Variants in RAB38 observed in about 807,000 individuals in gnomAD.
RAB38 encodes ras-related protein Rab-38.
A neutral mutation model predicts 18.4 loss-of-function variants in RAB38; 15 were observed. That is an observed-to-expected ratio of 0.82 (90% CI 0.55 to 1.26). The LOEUF is 1.26. Among genes scored for constraint, RAB38 ranks in the 50% most tolerant of loss-of-function variants. RAB38 has a pLI of 0.00. For synonymous variants in RAB38, 101 were observed against 104.4 expected (o/e 0.97, Z 0.20); for missense variants, 294 against 267.4 (o/e 1.10, Z -0.69).
the RAB38 span, among the ~76,000 whole-genome samples, chr11:88,031,990 C>T: frequency 6.6e-6 from 1 of 150,710 alleles, no homozygotes; most frequent in Non-Finnish European, 1.5e-5. Flanking sequence ...TACTACAAGG[C>T]TACAGTAACC....
At chr11:87,883,750 T>C in the RAB38 span, among the ~76,000 whole-genome samples, 1 of 151,886 alleles carries the variant, frequency 6.6e-6, no homozygotes, top group Admixed American at 6.6e-5. Flanking sequence ...AGAGATGCAT[T>C]GTTGCTGGCT....
At chr11:87,900,074 G>T in the RAB38 span, among the ~76,000 whole-genome samples, 1 of 151,504 alleles carries the variant, frequency 6.6e-6, no homozygotes, top group African/African-American at 2.4e-5. Flanking sequence ...AACTCAAGTG[G>T]TCCTTACACC....
chr11:88,026,372 G>C, the RAB38 span, among the ~76,000 whole-genome samples: 2 of 151,068 alleles, frequency 1.3e-5, no homozygotes, highest in South Asian at 4.2e-4. Flanking sequence ...GACCATCCTG[G>C]CTAACACAGT....
At position 88,118,006 on chromosome 11, in the gene RAB38, C is replaced by T. The variant is rs530282907; in HGVS notation, c.484-3866G>A. ...AGGGAAAGTGACTGGCCCCAAGTCA[C>T]ACACTAGTAATTGGGATGGCCAGCT... On this transcript the variant is annotated intron_variant, in intron 2 of 2. Transcript: ENST00000243662. Among the ~76,000 whole-genome samples, 11 of 152,280 alleles carry T rather than the reference C, an allele frequency of 7.2e-5. No individual in the cohort carries two copies. The South Asian group carries it at 1.9e-3, about 26-fold the overall frequency.
At chr11:88,034,626 A>G in the RAB38 span, among the ~76,000 whole-genome samples, 1 of 152,102 alleles carries the variant, frequency 6.6e-6, no homozygotes, top group Admixed American at 6.5e-5. Flanking sequence ...TCATGTGCTT[A>G]TTTGCCATCT....
chr11:88,034,206 T>G, the RAB38 span, among the ~76,000 whole-genome samples: 5 of 152,244 alleles, frequency 3.3e-5, no homozygotes, highest in Admixed American at 6.5e-5. Flanking sequence ...TTTTAATTGC[T>G]GAGTAATATT....
At chr11:88,033,608 G>A in the RAB38 span, among the ~76,000 whole-genome samples, 2 of 150,486 alleles carry the variant, frequency 1.3e-5, no homozygotes, top group Non-Finnish European at 3.0e-5. Flanking sequence ...CTTAGTCAAC[G>A]TTTCCAGTTG....
chr11:88,008,787 C>T, the RAB38 span, among the ~76,000 whole-genome samples: 12 of 152,242 alleles, frequency 7.9e-5, no homozygotes, highest in Admixed American at 2.0e-4. Context: ...CATTCTCCAG[C>T]CTCAGCCTCC....
the RAB38 span, among the ~76,000 whole-genome samples, chr11:88,034,586 C>T: frequency 4.6e-5 from 7 of 152,172 alleles, no homozygotes; most frequent in Non-Finnish European, 1.0e-4. Flanking sequence ...ATTTGCATGT[C>T]ACTAGTGGCT....
the RAB38 span, among the ~76,000 whole-genome samples, chr11:87,976,218 T>G: frequency 6.8e-6 from 1 of 146,736 alleles, no homozygotes; most frequent in Non-Finnish European, 1.5e-5. Flanking sequence ...TATTTTTATG[T>G]ATATACCTAT....
At chr11:88,111,689 G>T (rs1451474610), downstream of RAB38, among the ~76,000 whole-genome samples, 1 of 152,178 alleles carries the variant, frequency 6.6e-6, no homozygotes, top group East Asian at 1.9e-4. Context: ...AAGGAAGCCA[G>T]TCCCATAAAA....
chr11:87,903,079 T>G, the RAB38 span, among the ~76,000 whole-genome samples: 1 of 151,362 alleles, frequency 6.6e-6, no homozygotes, highest in East Asian at 1.9e-4. Context: ...TTTTTTTGCC[T>G]AATTACATTA....
the RAB38 span, among the ~76,000 whole-genome samples, chr11:88,094,978 A>G: frequency 6.6e-6 from 1 of 151,732 alleles, no homozygotes; most frequent in Non-Finnish European, 1.5e-5. Flanking sequence ...ACCAGTTACT[A>G]TGGAGAAACA....
At chr11:87,860,027 T>C in the RAB38 span, among the ~76,000 whole-genome samples, 3 of 152,024 alleles carry the variant, frequency 2.0e-5, no homozygotes, top group Non-Finnish European at 4.4e-5. Context: ...CTAAAGCTCA[T>C]GCTCCTCCCT....
chr11:87,856,566 A>G, the RAB38 span, among the ~76,000 whole-genome samples: 10 of 152,198 alleles, frequency 6.6e-5, no homozygotes, highest in Non-Finnish European at 1.0e-4. Context: ...ACAGTTTTAG[A>G]TAAATGTATT....
the RAB38 span, among the ~76,000 whole-genome samples, chr11:87,847,528 A>G: frequency 3.3e-5 from 5 of 152,086 alleles, no homozygotes; most frequent in Admixed American, 2.0e-4. Context: ...AACAAAACAA[A>G]ATAACTCCTC....
At chr11:88,031,448 T>A in the RAB38 span, among the ~76,000 whole-genome samples, 8 of 151,890 alleles carry the variant, frequency 5.3e-5, no homozygotes, top group African/African-American at 1.9e-4. Flanking sequence ...TGTCCCTGTT[T>A]GCAGATGACA....
chr11:87,882,493 C>A, the RAB38 span, among the ~76,000 whole-genome samples: 1 of 151,802 alleles, frequency 6.6e-6, no homozygotes, highest in African/African-American at 2.4e-5. Context: ...TGTTTGAGAA[C>A]CACTCTAGTA....
At chr11:87,971,983 A>C in the RAB38 span, among the ~76,000 whole-genome samples, 1 of 151,710 alleles carries the variant, frequency 6.6e-6, no homozygotes, top group African/African-American at 2.4e-5. Flanking sequence ...TGACTCCACT[A>C]TTCTGGTAGA....
Sources: allele counts gnomAD v4.1 joint callset (sites outside exome capture counted in the v4.1 genomes callset), GRCh38; gene constraint gnomAD v4.1.1; transcripts MANE v1.5; gene names NCBI Gene and HGNC (gene_info 2026-07-23, HGNC 2026-07-21).